The following ERCC5 variants were observed in gnomAD, a reference collection of about 807,000 sequenced individuals.
ERCC5 encodes ERCC excision repair 5, endonuclease, also known as DNA excision repair protein ERCC-5.
ERCC5 carries 68 observed loss-of-function variants against 105.6 expected under a neutral mutation model. The ratio of observed to expected loss-of-function variants is 0.64; its 90% confidence interval spans 0.53 to 0.79. ERCC5 has a LOEUF of 0.79. Ranked by LOEUF, ERCC5 falls within the 30% of genes least tolerant of loss-of-function variation. The probability of loss-of-function intolerance (pLI) is 0.00; values close to 1 mark genes in which losing one functional copy is unlikely to be tolerated. For missense variants in ERCC5, 1,373 were observed against 1,426.7 expected (o/e 0.96, Z 0.61); for synonymous variants, 546 against 526.2 (o/e 1.04, Z -0.51).
chr13:102,855,161 A>G (rs1284541775), intron 4 of ERCC5, among the ~76,000 whole-genome samples: 1 of 152,092 alleles, frequency 6.6e-6, no homozygotes, highest in Non-Finnish European at 1.5e-5. Context: ...CACCAAGCCC[A>G]ATCTCTGTTT....
intron 10 of ERCC5, 114 bp from the exon 11 acceptor site, chr13:102,866,517 TC>T: frequency 3.1e-6 from 5 of 1,589,886 alleles, no homozygotes; most frequent in Non-Finnish European, 4.3e-6. Context: ...TCACTGTGTG[TC>T]CCTAACTCTG....
Position 102,872,333 on chromosome 13 carries a change from A to G in ERCC5, c.2814A>G (p.Lys938=), listed in dbSNP as rs764965309. 1.9e-6 allele frequency: 3 copies of G among 1,614,184 alleles called. No homozygotes were observed. Among genetic ancestry groups the G allele is most frequent in the Non-Finnish European group, 1.7e-6 (2 of 1,180,030 alleles). The change falls in exon 13 of 15, where the codon AAA becomes AAG. Residue 938 remains lysine, a synonymous_variant. Transcript: ENST00000652225. ...CAGCTGTTGCCGAGGCCTACCTCAA[A>G]CCCGTGGTGGATGACTCGAAGGGAT... ...PNPAVAEAYL[K]PVVDDSKGSF...
Position 102,862,258 on chromosome 13 carries a change from G to C in ERCC5, c.1109G>C (p.Arg370Pro), listed in dbSNP as rs370885325. The change falls in exon 8 of 15, where the codon CGT becomes CCT. Residue 370 changes from arginine to proline, a missense_variant. Physicochemically the swap from Arg to Pro is moderately radical, Grantham distance 103. Transcript: ENST00000652225. ...GAGAGTGAAAATCGAAGGCAGGCCC[G>C]TGGGAGGAACGCACCTGCTGCTGTA... ...ELESENRRQA[R>P]GRNAPAAVDE... The C allele has an allele frequency of 6.2e-7, 1 of 1,614,168 alleles. No individual in the cohort carries two copies. The highest frequency in any genetic ancestry group is 8.5e-7 in the Non-Finnish European group (1 of 1,180,040).
chr13:102,851,480 A>G (rs1475947799), intron 1 of ERCC5, among the ~76,000 whole-genome samples: 1 of 152,052 alleles, frequency 6.6e-6, no homozygotes, highest in Admixed American at 6.6e-5. Context: ...TTTTTAGTAG[A>G]GATGGGGTTT....
In ERCC5 at chr13:102,862,938, G is replaced by T; in HGVS notation, c.1789G>T (p.Val597Leu). 1 of 1,614,238 alleles carries T rather than the reference G, an allele frequency of 6.2e-7. No homozygotes were observed. The highest frequency in any genetic ancestry group is 8.5e-7 in the Non-Finnish European group (1 of 1,180,040). The change falls in exon 8 of 15, where the codon GTA becomes TTA. Residue 597 changes from valine to leucine, a missense_variant. Physicochemically the swap from Val to Leu is conservative, Grantham distance 32. Transcript: ENST00000652225. ...SSIVSVPSEA[V>L]DNVENVVSFN... Reference sequence around the variant, plus strand: ...CATAGTAAGTGTCCCTTCAGAGGCAGTAGATAATGTGGAAAATGTGGTGTC... The same window carrying T: ...CATAGTAAGTGTCCCTTCAGAGGCATTAGATAATGTGGAAAATGTGGTGTC...
chr13:102,867,949 A>G (rs1882898068), intron 11 of ERCC5, among the ~76,000 whole-genome samples, 164 bp from the exon 12 acceptor site: 1 of 152,222 alleles, frequency 6.6e-6, no homozygotes, highest in Non-Finnish European at 1.5e-5. Flanking sequence ...AAAAATATTA[A>G]CAGAATGCCA....
intron 6 of ERCC5, among the ~76,000 whole-genome samples, chr13:102,860,611 C>A (rs1882583599): frequency 6.6e-6 from 1 of 152,020 alleles, no homozygotes; most frequent in South Asian, 2.1e-4. Flanking sequence ...CCCAGATCTA[C>A]CACTTATTAG....
At chr13:102,848,488 G>A (rs1427424460) in intron 1 of ERCC5, among the ~76,000 whole-genome samples, 3 of 152,140 alleles carry the variant, frequency 2.0e-5, no homozygotes, top group Non-Finnish European at 2.9e-5. Flanking sequence ...TTTAATGTTT[G>A]TAATATGCGT....
In ERCC5 at chr13:102,846,043, C is replaced by G. The variant is rs548542886; in HGVS notation, c.-224C>G. The G allele has an allele frequency of 3.5e-6, 2 of 565,274 alleles. No individual in the cohort carries two copies. The highest frequency in any genetic ancestry group is 3.1e-5 in the Admixed American group (1 of 31,810). The allele number at this position is 565,274 out of a possible 1,614,324, so 35.0% of individuals were successfully genotyped here. ...CTGGACCTGTCTTTCTTCCGGGAGG[C>G]GGTGACAGCTGCTGAGACGTGTTGC... On this transcript the variant is annotated 5_prime_UTR_variant, in exon 1 of 15. Coordinates refer to ENST00000652225, the MANE Select transcript of ERCC5 (RefSeq NM_000123.4).
intron 1 of ERCC5, among the ~76,000 whole-genome samples, chr13:102,846,837 C>T (rs1172050508): frequency 6.6e-6 from 1 of 152,168 alleles, no homozygotes; most frequent in Non-Finnish European, 1.5e-5. Context: ...TGTCTGCTTT[C>T]CCCAGCTTTG....
At chr13:102,849,085 C>G (rs780887240) in intron 1 of ERCC5, 6 of 509,902 alleles carry the variant, frequency 1.2e-5, no homozygotes, top group Non-Finnish European at 2.3e-5. Context: ...CTAATTTAAT[C>G]CTATGTAATA....
chr13:102,858,490 A>AAAATTG (rs1953999803), intron 6 of ERCC5, 72 bp downstream of exon 6: 2 of 1,604,456 alleles, frequency 1.2e-6, no homozygotes, highest in African/African-American at 2.7e-5. Context: ...GAAAGAAGAG[A>AAAATTG]AAATTGATAA....
In ERCC5 at chr13:102,875,801, C is replaced by T. The variant is rs144274068; in HGVS notation, c.3459C>T (p.Asp1153=). 1.2e-5 allele frequency: 19 copies of T among 1,613,662 alleles called. No homozygotes were observed. Among genetic ancestry groups the T allele is most frequent in the South Asian group, 4.4e-5 (4 of 91,066 alleles). Residue 1153 remains aspartate (D), a synonymous_variant, in exon 15 of 15, where the codon GAC becomes GAT. Transcript: ENST00000652225. ...CCAGCAGCTCTAGTGATAGTGATGA[C>T]GATGGAGGGAAAGAGAAGATGGTCC... ...ATTSSSSDSD[D]DGGKEKMVLV...
At position 102,862,594 on chromosome 13, in the gene ERCC5, G is replaced by T. The variant is rs1353004841; in HGVS notation, c.1445G>T (p.Gly482Val). 6.2e-7 allele frequency: 1 copy of T among 1,614,132 alleles called. No homozygotes were observed. The highest frequency in any genetic ancestry group is 8.5e-7 in the Non-Finnish European group (1 of 1,180,034). The change falls in exon 8 of 15, where the codon GGG (glycine) becomes GTG (valine). Residue 482 changes from glycine to valine, a missense_variant. By Grantham distance (109) the Gly-to-Val change is moderately radical. Transcript: ENST00000652225. Reference protein sequence around the residue: ...PKEQMSLVHVGTEAFPISDES... With the variant: ...PKEQMSLVHVVTEAFPISDES... ...GAACAAATGTCACTTGTTCACGTGG[G>T]GACTGAAGCCTTTCCGATAAGTGAT...
chr13:102,855,110 G>C (rs1015438027), intron 4 of ERCC5, among the ~76,000 whole-genome samples: 1 of 151,936 alleles, frequency 6.6e-6, no homozygotes, highest in African/African-American at 2.4e-5. Context: ...ACTTCTTTCT[G>C]TCTTTGTCTT....
At chr13:102,853,655 C>T (rs1595377569) in intron 2 of ERCC5, 102 bp from the exon 3 acceptor site, 2 of 1,190,612 alleles carry the variant, frequency 1.7e-6, no homozygotes, top group African/African-American at 1.5e-5. Flanking sequence ...CAGCCATAGT[C>T]TGAAAACTCA....
At chr13:102,874,472 T>C (rs542543133) in intron 14 of ERCC5, among the ~76,000 whole-genome samples, 8 of 152,240 alleles carry the variant, frequency 5.3e-5, no homozygotes, top group Non-Finnish European at 1.2e-4. Flanking sequence ...ACCTTTAATT[T>C]TCAAGTTTGT....
At chr13:102,852,599 A>G (rs1157494695) in intron 2 of ERCC5, among the ~76,000 whole-genome samples, 1 of 152,234 alleles carries the variant, frequency 6.6e-6, no homozygotes, top group African/African-American at 2.4e-5. Flanking sequence ...TATTTCAAGG[A>G]TGCGGCCATC....
chr13:102,847,395 G>A (rs1213571446), intron 1 of ERCC5, among the ~76,000 whole-genome samples: 1 of 151,592 alleles, frequency 6.6e-6, no homozygotes, highest in African/African-American at 2.4e-5. Context: ...GGGCTCGTGG[G>A]CTTGTGGAAA....
Sources: allele counts gnomAD v4.1 joint callset (sites outside exome capture counted in the v4.1 genomes callset), GRCh38; gene constraint gnomAD v4.1.1; transcripts MANE v1.5; gene names NCBI Gene and HGNC (gene_info 2026-07-23, HGNC 2026-07-21).